Variants in CFAP161 observed in about 807,000 individuals in gnomAD.
CFAP161 encodes the protein cilia- and flagella-associated protein 161.
Under a neutral mutation model 29.0 loss-of-function variants are expected in CFAP161, and 25 were observed. The observed-to-expected ratio is 0.86, with a 90% CI of 0.63 to 1.20. The LOEUF is 1.20. CFAP161 is among the 50% of genes most tolerant of loss of function. The pLI is 0.00. For missense variants in CFAP161, 367 were observed against 371.9 expected (o/e 0.99, Z 0.11); for synonymous variants, 116 against 137.4 (o/e 0.84, Z 1.09).
intron 1 of CFAP161, among the ~76,000 whole-genome samples, chr15:81,126,606 T>A (rs1478051645): frequency 1.3e-5 from 2 of 152,216 alleles, no homozygotes; most frequent in African/African-American, 4.8e-5. Flanking sequence ...ACAGATACCT[T>A]ACGTTATTGC....
intron 2 of CFAP161, 69 bp downstream of exon 2, chr15:81,135,428 A>T: frequency 1.0e-6 from 1 of 956,546 alleles, no homozygotes. Flanking sequence ...GGTTTGTTAC[A>T]TATGTATACA....
chr15:81,148,212 A>T, intron 6 of CFAP161, 126 bp from the exon 7 acceptor site: 1 of 978,998 alleles, frequency 1.0e-6, no homozygotes, highest in Non-Finnish European at 1.5e-6. Flanking sequence ...GTCCCATTTT[A>T]GAGATTCCCT....
At chr15:81,144,455 G>A (rs1894972052) in intron 5 of CFAP161, among the ~76,000 whole-genome samples, 1 of 152,110 alleles carries the variant, frequency 6.6e-6, no homozygotes. Context: ...AATTAGCCGG[G>A]TGTGGTGGCA....
At chr15:81,120,213 A>G (rs1414169628) in intron 1 of CFAP161, among the ~76,000 whole-genome samples, 2 of 152,204 alleles carry the variant, frequency 1.3e-5, no homozygotes, top group Admixed American at 1.3e-4. Flanking sequence ...AATCAGACAC[A>G]TGAAGGGTAT....
chr15:81,125,484 C>A (rs1280507476), intron 1 of CFAP161, among the ~76,000 whole-genome samples: 1 of 152,152 alleles, frequency 6.6e-6, no homozygotes, highest in East Asian at 1.9e-4. Flanking sequence ...CTTAAAACAT[C>A]TAGCAAAGAC....
At chr15:81,117,944 C>G in intron 1 of CFAP161, 1 of 454,650 alleles carries the variant, frequency 2.2e-6, no homozygotes, top group Non-Finnish European at 4.1e-6. Flanking sequence ...TCCTGGTCCT[C>G]TGGGTCATAG....
intron 1 of CFAP161, among the ~76,000 whole-genome samples, chr15:81,127,087 TC>T (rs760562798): frequency 5.3e-5 from 8 of 152,118 alleles, no homozygotes; most frequent in Non-Finnish European, 1.0e-4. Flanking sequence ...CTGGCTGGAG[TC>T]CCAGAAAACC....
chr15:81,116,694 T>G (rs1392012444), intron 1 of CFAP161, among the ~76,000 whole-genome samples: 4 of 152,184 alleles, frequency 2.6e-5, no homozygotes, highest in Non-Finnish European at 4.4e-5. Context: ...GGTCATGACA[T>G]TGGGTGGCTT....
At chr15:81,129,945 CT>C (rs35555346), upstream of CFAP161, among the ~76,000 whole-genome samples, 19,641 of 109,728 alleles carry the variant, frequency 0.18, 3,630 homozygotes, top group African/African-American at 0.45. Context: ...TAATGTAAGG[CT>C]TTTTTTTTTT....
At chr15:81,121,927 T>C (rs1052915484) in intron 1 of CFAP161, among the ~76,000 whole-genome samples, 1 of 152,266 alleles carries the variant, frequency 6.6e-6, no homozygotes, top group Non-Finnish European at 1.5e-5. Flanking sequence ...CCATGTGTTC[T>C]CATCATTTAG....
chr15:81,145,109 A>G (rs1379022840), intron 5 of CFAP161, among the ~76,000 whole-genome samples: 1 of 152,210 alleles, frequency 6.6e-6, no homozygotes, highest in Non-Finnish European at 1.5e-5. Flanking sequence ...AAGCATGGCC[A>G]GGGTTCGCTT....
intron 1 of CFAP161, among the ~76,000 whole-genome samples, chr15:81,100,818 G>A (rs187208403): frequency 0.016 from 2,424 of 152,026 alleles, 45 homozygotes; most frequent in Non-Finnish European, 0.022. Context: ...GATTACAGGA[G>A]TGAGCCACCA....
At chr15:81,138,264 G>A in intron 4 of CFAP161, 129 bp downstream of exon 4, 1 of 721,064 alleles carries the variant, frequency 1.4e-6, no homozygotes, top group South Asian at 1.9e-5. Context: ...TCACTATGGT[G>A]TCAGCTTGCA....
intron 1 of CFAP161, among the ~76,000 whole-genome samples, chr15:81,105,112 TTCTCCCCCATA>T (rs1184500210): frequency 1.3e-3 from 29 of 22,160 alleles, no homozygotes; most frequent in African/African-American, 2.5e-3. Flanking sequence ...CTCCCTTCCT[TTCTCCCCCATA>T]CCTTTCTCCC....
intron 5 of CFAP161, among the ~76,000 whole-genome samples, chr15:81,144,285 G>A (rs1274055176): frequency 6.6e-6 from 1 of 152,186 alleles, no homozygotes; most frequent in East Asian, 1.9e-4. Context: ...TAAGGCCTCC[G>A]CTAAGTACTA....
At chr15:81,142,512 A>G (rs1486691723) in intron 4 of CFAP161, among the ~76,000 whole-genome samples, 5 of 151,820 alleles carry the variant, frequency 3.3e-5, no homozygotes, top group African/African-American at 1.2e-4. Context: ...GCCTCTTTTG[A>G]TCCCCCAGGA....
At chr15:81,100,580 A>G (rs1546469) in intron 1 of CFAP161, among the ~76,000 whole-genome samples, 2,732 of 152,228 alleles carry the variant, frequency 0.018, 86 homozygotes, top group African/African-American at 0.062. Context: ...TGCCTAGATA[A>G]TAATAGGCAT....
intron 5 of CFAP161, 71 bp from the exon 6 acceptor site, chr15:81,147,787 G>A: frequency 1.7e-6 from 2 of 1,203,062 alleles, no homozygotes; most frequent in Non-Finnish European, 2.3e-6. Context: ...TTGCTTTTAG[G>A]TAAGCTTTTC....
chr15:81,134,630 C>T (rs905160284), intron 1 of CFAP161, among the ~76,000 whole-genome samples: 3 of 152,144 alleles, frequency 2.0e-5, no homozygotes, highest in Admixed American at 2.0e-4. Flanking sequence ...TCTCTGGGTC[C>T]CTTGGCCTCC....
Sources: gnomAD v4.1 joint callset for allele counts (sites outside exome capture counted in the v4.1 genomes callset) on GRCh38, gnomAD v4.1.1 for gene constraint, MANE v1.5 for transcripts, NCBI Gene and HGNC (gene_info 2026-07-23, HGNC 2026-07-21) for gene names.